GRIA4: variants seen among roughly 807,000 people sequenced by gnomAD.
GRIA4 encodes the protein glutamate ionotropic receptor AMPA type subunit 4, also known as glutamate receptor 4.
In GRIA4, 34 loss-of-function variants were observed where a neutral mutation model predicts 104.0. The observed-to-expected ratio is 0.33, with a 90% CI of 0.25 to 0.44. GRIA4 has a LOEUF of 0.44. GRIA4 is among the 20% of genes least tolerant of loss of function. GRIA4 has a pLI of 1.00. For synonymous variants in GRIA4, 386 were observed against 381.9 expected (o/e 1.01, Z -0.13); for missense variants, 750 against 1,096.5 (o/e 0.68, Z 4.46).
intron 4 of GRIA4, among the ~76,000 whole-genome samples, chr11:105,806,744 A>C (rs1274603815): frequency 1.3e-5 from 2 of 151,836 alleles, no homozygotes; most frequent in South Asian, 2.1e-4. Context: ...AATTCAAGAA[A>C]AGTGCCCCAA....
At chr11:105,690,776 T>G (rs189793193) in intron 3 of GRIA4, among the ~76,000 whole-genome samples, 1 of 152,218 alleles carries the variant, frequency 6.6e-6, no homozygotes, top group African/African-American at 2.4e-5. Flanking sequence ...GAATGATCTA[T>G]GTGACCTTTT....
intron 4 of GRIA4, among the ~76,000 whole-genome samples, chr11:105,811,567 T>A (rs1943174272): frequency 6.6e-6 from 1 of 152,154 alleles, no homozygotes; most frequent in Non-Finnish European, 1.5e-5. Flanking sequence ...ATTGTCTACA[T>A]GTTTTAATGT....
intron 5 of GRIA4, among the ~76,000 whole-genome samples, chr11:105,880,462 C>A (rs1946007994): frequency 6.6e-6 from 1 of 152,184 alleles, no homozygotes; most frequent in African/African-American, 2.4e-5. Context: ...TTGCTTTTCA[C>A]TCTATAGTTC....
Position 105,653,999 on chromosome 11 carries a change from CAAAAAAAA to C in GRIA4, c.247+41586_247+41593del. On this transcript the variant is annotated intron_variant, in intron 3 of 16. Transcript: ENST00000282499. ...TATATGCAACGGAACACTATTTAGC[CAAAAAAAA>C]AAAAAAAAAAAAAAAAAAAAGAAAA... Among the ~76,000 whole-genome samples the C allele has an allele frequency of 4.4e-4, 22 of 50,284 alleles. No individual in the cohort carries two copies. In the East Asian group the frequency reaches 1.0e-2, roughly 23 times the overall value. 33.0% of individuals were successfully genotyped at this position (50,284 alleles called of 152,430 possible). A position where few individuals can be genotyped will look rare whatever the true frequency, so the allele number is the denominator to read the frequency against.
chr11:105,726,020 G>T (rs1224995585), intron 3 of GRIA4, among the ~76,000 whole-genome samples: 1 of 152,072 alleles, frequency 6.6e-6, no homozygotes, highest in Non-Finnish European at 1.5e-5. Context: ...TACCCCAGTG[G>T]CACCTGCAAT....
chr11:105,965,617 G>A (rs1858319827), intron 14 of GRIA4, among the ~76,000 whole-genome samples: 1 of 152,010 alleles, frequency 6.6e-6, no homozygotes, highest in Non-Finnish European at 1.5e-5. Context: ...TAGAGGCAAA[G>A]GAATTCAAGA....
intron 4 of GRIA4, among the ~76,000 whole-genome samples, chr11:105,796,602 A>AG (rs1942488341): frequency 6.6e-6 from 1 of 152,206 alleles, no homozygotes; most frequent in African/African-American, 2.4e-5. Context: ...GGTGCAAAAG[A>AG]AAACAAGTAG....
At chr11:105,934,440 T>C (rs1182810012) in intron 14 of GRIA4, among the ~76,000 whole-genome samples, 2 of 152,166 alleles carry the variant, frequency 1.3e-5, no homozygotes, top group Non-Finnish European at 2.9e-5. Context: ...ATCTTTCTAT[T>C]GGAGATTATC....
Position 105,755,987 on chromosome 11 carries a change from T to C in GRIA4, c.487+2767T>C, listed in dbSNP as rs531923610. Among the ~76,000 whole-genome samples, 13 of 152,252 alleles carry C rather than the reference T, an allele frequency of 8.5e-5. No individual in the cohort carries two copies. In the South Asian group the frequency reaches 2.7e-3, roughly 32 times the overall value. On this transcript the variant is annotated intron_variant, in intron 4 of 16. Coordinates refer to ENST00000282499, the MANE Select transcript of GRIA4 (RefSeq NM_000829.4). ...CTTAGACTAAAATTTCACCACTGGT[T>C]CTCCTGATCTTACTGATTATTGGAT...
intron 14 of GRIA4, among the ~76,000 whole-genome samples, chr11:105,965,097 G>A (rs1266588948): frequency 1.3e-5 from 2 of 152,036 alleles, no homozygotes; most frequent in Non-Finnish European, 2.9e-5. Context: ...GTGAGCCACC[G>A]CACCTGGCCC....
chr11:105,788,055 G>C (rs1309595946), intron 4 of GRIA4, among the ~76,000 whole-genome samples: 2 of 152,062 alleles, frequency 1.3e-5, no homozygotes, highest in Non-Finnish European at 2.9e-5. Flanking sequence ...AAGTACTATT[G>C]TTGACAACAA....
intron 14 of GRIA4, among the ~76,000 whole-genome samples, chr11:105,948,864 G>A (rs1232585246): frequency 1.3e-5 from 2 of 151,870 alleles, no homozygotes; most frequent in East Asian, 3.9e-4. Flanking sequence ...GTGCTGAGAT[G>A]ACAGGCATGA....
chr11:105,696,594 C>T (rs1489233536), intron 3 of GRIA4, among the ~76,000 whole-genome samples: 2 of 152,038 alleles, frequency 1.3e-5, no homozygotes, highest in Non-Finnish European at 2.9e-5. Context: ...ACAATAGGCA[C>T]ACTATAAATA....
chr11:105,864,258 C>A (rs1945329482), intron 5 of GRIA4, among the ~76,000 whole-genome samples: 1 of 151,998 alleles, frequency 6.6e-6, no homozygotes, highest in Admixed American at 6.6e-5. Context: ...ATTTTAATTC[C>A]TTGTAGCTCT....
chr11:105,744,104 T>C (rs1208296999), intron 3 of GRIA4, among the ~76,000 whole-genome samples: 1 of 152,186 alleles, frequency 6.6e-6, no homozygotes, highest in East Asian at 1.9e-4. Context: ...GAAGTACCTC[T>C]TCCCTGTGCC....
chr11:105,769,405 T>C (rs1004676202), intron 4 of GRIA4, among the ~76,000 whole-genome samples: 2 of 151,954 alleles, frequency 1.3e-5, no homozygotes, highest in East Asian at 3.9e-4. Context: ...GGAAAAAGGG[T>C]GTTTCATAGA....
intron 6 of GRIA4, among the ~76,000 whole-genome samples, chr11:105,893,547 A>G (rs1946529516): frequency 6.6e-6 from 1 of 152,214 alleles, no homozygotes; most frequent in Admixed American, 6.5e-5. Flanking sequence ...ATGGTTTATA[A>G]TCAGACATGG....
At chr11:105,727,503 A>T (rs1938290231) in intron 3 of GRIA4, among the ~76,000 whole-genome samples, 1 of 152,156 alleles carries the variant, frequency 6.6e-6, no homozygotes, top group Admixed American at 6.5e-5. Context: ...ACAGGCCAAC[A>T]TTCAAATTCA....
chr11:105,658,355 T>C (rs976259500), intron 3 of GRIA4, among the ~76,000 whole-genome samples: 3 of 151,862 alleles, frequency 2.0e-5, no homozygotes, highest in African/African-American at 7.2e-5. Context: ...CTAATTTACA[T>C]TGTAAACATG....
Sources: gnomAD v4.1 joint callset for allele counts (sites outside exome capture counted in the v4.1 genomes callset) on GRCh38, gnomAD v4.1.1 for gene constraint, MANE v1.5 for transcripts, NCBI Gene and HGNC (gene_info 2026-07-23, HGNC 2026-07-21) for gene names.